CDH13: variants seen among roughly 807,000 people sequenced by gnomAD.
CDH13 encodes cadherin-13.
CDH13 carries 24 observed loss-of-function variants against 63.8 expected under a neutral mutation model. The ratio of observed to expected loss-of-function variants is 0.38; its 90% CI spans 0.27 to 0.53. The LOEUF is 0.53. Among genes scored for constraint, CDH13 ranks in the 20% least tolerant of loss-of-function variants. The pLI is 0.85. For missense variants in CDH13, 1,049 were observed against 903.1 expected, an observed-to-expected ratio of 1.16 and a Z score of -2.07; for synonymous variants, 503 against 355.3, an observed-to-expected ratio of 1.42 and a Z score of -4.67.
In CDH13 at chr16:83,267,254, G is replaced by GGA. The variant is rs200123763; in HGVS notation, c.636+49758_636+49759dup. Among the ~76,000 whole-genome samples, 122 of 152,194 alleles carry GGA rather than the reference G, an allele frequency of 8.0e-4. 2 individuals are homozygous for GGA. The East Asian group carries it at 0.023, about 28-fold the overall frequency. Reference sequence around the variant, plus strand: ...GGCTGAAGGTGCAGGGAAGCTCCAGGGATGGTTAATTCCCCACCTCCGCAG... The same window carrying GGA: ...GGCTGAAGGTGCAGGGAAGCTCCAGGGAGATGGTTAATTCCCCACCTCCGCAG... On this transcript the variant is annotated intron_variant, in intron 5 of 13. Transcript: ENST00000567109.
intron 6 of CDH13, among the ~76,000 whole-genome samples, chr16:83,388,832 T>A (rs750321201): frequency 1.3e-5 from 2 of 152,152 alleles, no homozygotes; most frequent in African/African-American, 2.4e-5. Flanking sequence ...TCTTAGAAAT[T>A]CAGAATCTAA....
chr16:82,892,043 T>C (rs1423502076), intron 2 of CDH13, among the ~76,000 whole-genome samples: 1 of 152,162 alleles, frequency 6.6e-6, no homozygotes, highest in Non-Finnish European at 1.5e-5. Context: ...CAACCTCAGC[T>C]CGTCCCTTTA....
At chr16:83,701,021 G>A (rs1287080721) in intron 10 of CDH13, among the ~76,000 whole-genome samples, 1 of 152,196 alleles carries the variant, frequency 6.6e-6, no homozygotes, top group Non-Finnish European at 1.5e-5. Flanking sequence ...TCGAGACTCT[G>A]AGGATGTATG....
chr16:83,773,553 GA>G, intron 11 of CDH13, among the ~76,000 whole-genome samples: 1 of 152,212 alleles, frequency 6.6e-6, no homozygotes, highest in Non-Finnish European at 1.5e-5. Context: ...CAGCATGGGG[GA>G]AACCACCCCC....
intron 7 of CDH13, among the ~76,000 whole-genome samples, chr16:83,490,777 C>T (rs1179290771): frequency 1.3e-5 from 2 of 152,202 alleles, no homozygotes; most frequent in African/African-American, 4.8e-5. Context: ...GCCATTTCTT[C>T]CCCTTCCATA....
chr16:82,751,000 G>C (rs78205508), intron 1 of CDH13, among the ~76,000 whole-genome samples: 6 of 152,134 alleles, frequency 3.9e-5, no homozygotes, highest in African/African-American at 1.4e-4. Context: ...AAATTATGGC[G>C]CTGGTCCTCT....
intron 1 of CDH13, among the ~76,000 whole-genome samples, chr16:82,797,020 A>G (rs1183102013): frequency 6.6e-6 from 1 of 152,232 alleles, no homozygotes; most frequent in African/African-American, 2.4e-5. Context: ...CTGACACAGT[A>G]TACATTGCAT....
chr16:82,655,507 G>C (rs774392801), intron 1 of CDH13, among the ~76,000 whole-genome samples: 3 of 152,168 alleles, frequency 2.0e-5, no homozygotes, highest in Admixed American at 6.5e-5. Flanking sequence ...TCGGGTCCAA[G>C]AGTAGGAGAT....
intron 8 of CDH13, among the ~76,000 whole-genome samples, chr16:83,636,381 T>C (rs532152822): frequency 1.3e-5 from 2 of 152,132 alleles, no homozygotes; most frequent in Admixed American, 1.3e-4. Context: ...GATGCTAGGG[T>C]TTGGAGCATG....
At chr16:82,656,117 C>T (rs918124764) in intron 1 of CDH13, among the ~76,000 whole-genome samples, 3 of 152,138 alleles carry the variant, frequency 2.0e-5, no homozygotes. Context: ...ACAGAGTTAT[C>T]AGTGAAAAGA....
chr16:82,890,165 G>T (rs960066641), intron 2 of CDH13, among the ~76,000 whole-genome samples: 1 of 152,164 alleles, frequency 6.6e-6, no homozygotes, highest in Non-Finnish European at 1.5e-5. Flanking sequence ...TTCCTTCCTG[G>T]AATTTTGATG....
At chr16:83,185,555 T>A (rs1040343584) in intron 4 of CDH13, among the ~76,000 whole-genome samples, 1 of 152,214 alleles carries the variant, frequency 6.6e-6, no homozygotes, top group African/African-American at 2.4e-5. Flanking sequence ...CCACGGTAAG[T>A]CATGATTTTT....
At chr16:83,395,356 T>G (rs928788463) in intron 6 of CDH13, among the ~76,000 whole-genome samples, 14 of 151,784 alleles carry the variant, frequency 9.2e-5, no homozygotes, top group African/African-American at 3.4e-4. Flanking sequence ...TCAAGGCTCC[T>G]AGTGATCATC....
At chr16:83,036,859 C>T (rs1014068695) in intron 3 of CDH13, among the ~76,000 whole-genome samples, 3 of 152,162 alleles carry the variant, frequency 2.0e-5, no homozygotes. Context: ...CACCCATACA[C>T]CCCACACAAG....
chr16:82,627,602 C>A (rs577112226), intron 1 of CDH13, among the ~76,000 whole-genome samples: 2 of 152,242 alleles, frequency 1.3e-5, no homozygotes, highest in Admixed American at 1.3e-4. Context: ...GGATGCGGGG[C>A]TGGAGAGGCC....
rs150702121 is a variant in CDH13, at chr16:82,776,869, C to G, written c.46-81493C>G. On this transcript the variant is annotated intron_variant, in intron 1 of 13. Transcript: ENST00000567109. ...CAGCATTTTGCACAGAACCAAAGCCCTGGAAATTCTGGTGGAAGCTAGACA... is the reference window on the plus strand; with the variant it reads ...CAGCATTTTGCACAGAACCAAAGCCGTGGAAATTCTGGTGGAAGCTAGACA... Among the ~76,000 whole-genome samples the G allele has an allele frequency of 4.1e-4, 63 of 152,292 alleles. No homozygotes were observed. In the East Asian group the frequency reaches 9.7e-3, roughly 23 times the overall value.
intron 6 of CDH13, among the ~76,000 whole-genome samples, chr16:83,405,739 G>T (rs11149563): frequency 0.69 from 105,424 of 152,120 alleles, 36,707 homozygotes; most frequent in East Asian, 0.82. Flanking sequence ...TTTACTAATA[G>T]TGCCATGTTA....
intron 6 of CDH13, among the ~76,000 whole-genome samples, chr16:83,427,653 T>G (rs2071953046): frequency 6.6e-6 from 1 of 151,340 alleles, no homozygotes; most frequent in African/African-American, 2.4e-5. Context: ...AGCAAGGGAG[T>G]GCAGTGATTA....
chr16:83,211,573 T>G (rs2039337947), intron 4 of CDH13, among the ~76,000 whole-genome samples: 1 of 152,196 alleles, frequency 6.6e-6, no homozygotes, highest in Admixed American at 6.5e-5. Context: ...GAGGTAGGCA[T>G]GGGACTTTGC....
Sources: allele counts gnomAD v4.1 joint callset (sites outside exome capture counted in the v4.1 genomes callset), GRCh38; gene constraint gnomAD v4.1.1; transcripts MANE v1.5; gene names NCBI Gene and HGNC (gene_info 2026-07-23, HGNC 2026-07-21).